The following BABAM2 variants were observed in gnomAD, a reference collection of about 807,000 sequenced individuals.
BABAM2 encodes BRISC and BRCA1-A complex member 2.
Under a neutral mutation model 54.7 loss-of-function variants are expected in BABAM2, and 31 were observed. That is an observed-to-expected ratio of 0.57 (90% CI 0.43 to 0.77). The LOEUF is 0.77. BABAM2 is among the 30% of genes least tolerant of loss of function. The pLI, the probability that BABAM2 is intolerant of heterozygous loss-of-function variation, is 0.00. For synonymous variants in BABAM2, 167 were observed against 162.9 expected (o/e 1.03, Z -0.19); for missense variants, 364 against 455.8 (o/e 0.80, Z 1.83).
chr2:28,110,937 T>C (rs1349042549), intron 6 of BABAM2, among the ~76,000 whole-genome samples: 1 of 151,796 alleles, frequency 6.6e-6, no homozygotes, highest in African/African-American at 2.4e-5. Flanking sequence ...TTGATTTATG[T>C]TGAACATCTT....
intron 7 of BABAM2, among the ~76,000 whole-genome samples, chr2:28,211,158 G>C (rs1322077431): frequency 6.6e-6 from 1 of 152,078 alleles, no homozygotes; most frequent in African/African-American, 2.4e-5. Flanking sequence ...ATTTCGCATT[G>C]GTTCCCAAAA....
chr2:28,327,161 A>G, intron 11 of BABAM2: 1 of 1,122,884 alleles, frequency 8.9e-7, no homozygotes. Flanking sequence ...CAGAGAAAGA[A>G]GCTGGTCCCA....
intron 11 of BABAM2, among the ~76,000 whole-genome samples, chr2:28,315,016 G>A (rs1364702265): frequency 3.1e-5 from 1 of 32,488 alleles, no homozygotes; most frequent in East Asian, 6.1e-3. Context: ...AGAAAGGAAA[G>A]AGAGAAGGAG....
chr2:28,107,454 C>T (rs1667625110), intron 6 of BABAM2, among the ~76,000 whole-genome samples: 1 of 152,176 alleles, frequency 6.6e-6, no homozygotes, highest in Admixed American at 6.5e-5. Context: ...GTCTTTCACC[C>T]TTCTCACCAG....
rs145786381 is a variant in BABAM2 at position 28,204,225 on chromosome 2, G to A, written c.681-32977G>A. 2.8e-4 allele frequency among the ~76,000 whole-genome samples: 43 copies of A among 152,080 alleles called. No individual in the cohort carries two copies. The South Asian group carries it at 3.3e-3, about 12-fold the overall frequency. ...TCTGTTCATTTTGTCTGTAATGTCC[G>A]TCTTTGAACAGAAATCCTTATTATT... On this transcript the variant is annotated intron_variant, in intron 7 of 11. Coordinates refer to ENST00000379624, the MANE Select transcript of BABAM2 (RefSeq NM_199191.3).
chr2:28,311,409 G>A (rs1444702181), intron 11 of BABAM2, among the ~76,000 whole-genome samples: 1 of 152,156 alleles, frequency 6.6e-6, no homozygotes, highest in Non-Finnish European at 1.5e-5. Flanking sequence ...TGGAAAAATA[G>A]ACAGGTGTCC....
rs1490354425 is a variant in BABAM2 at position 28,112,147 on chromosome 2, TTACCTCCCTCCCTCCCTCCCTCCC to T, written c.571-17122_571-17099del. On this transcript the variant is annotated intron_variant, in intron 6 of 11. Transcript: ENST00000379624. ...TTTCTTTCTTTCTTTCTTTCTTTCT[TTACCTCCCTCCCTCCCTCCCTCCC>T]TCCCTCCCTCCCTCCCTCCCTCCCT... Among the ~76,000 whole-genome samples the T allele has an allele frequency of 6.9e-3, 36 of 5,234 alleles. 2 individuals carry two copies. Among genetic ancestry groups the T allele is most frequent in the African/African-American group, 0.024 (25 of 1,022 alleles). The allele number at this position is 5,234 out of a possible 152,430, so 3.4% of individuals were successfully genotyped here. A position where few individuals can be genotyped will look rare whatever the true frequency, so the allele number is the denominator to read the frequency against.
At chr2:28,162,236 G>T (rs942001167) in intron 7 of BABAM2, among the ~76,000 whole-genome samples, 1 of 152,102 alleles carries the variant, frequency 6.6e-6, no homozygotes, top group Non-Finnish European at 1.5e-5. Flanking sequence ...GCCCTGCAGC[G>T]CATACCTCAC....
intron 7 of BABAM2, among the ~76,000 whole-genome samples, chr2:28,136,215 C>T (rs1670522990): frequency 6.6e-6 from 1 of 152,250 alleles, no homozygotes; most frequent in Admixed American, 6.5e-5. Flanking sequence ...CCGTTAAAGT[C>T]CTGCCCATGT....
chr2:28,210,911 T>G (rs936751774), intron 7 of BABAM2, among the ~76,000 whole-genome samples: 1 of 152,242 alleles, frequency 6.6e-6, no homozygotes. Flanking sequence ...AACAGAAATT[T>G]TGGAACAGAA....
intron 6 of BABAM2, among the ~76,000 whole-genome samples, chr2:28,082,775 C>T (rs1057150359): frequency 2.0e-5 from 3 of 152,078 alleles, no homozygotes; most frequent in Non-Finnish European, 2.9e-5. Context: ...GTTGTAATTC[C>T]CTCACTTGTA....
chr2:28,111,671 A>G (rs946088724), intron 6 of BABAM2, among the ~76,000 whole-genome samples: 21 of 151,876 alleles, frequency 1.4e-4, no homozygotes, highest in Non-Finnish European at 3.1e-4. Context: ...TCTTTTTTTC[A>G]TCTTTGGACC....
intron 3 of BABAM2, among the ~76,000 whole-genome samples, chr2:27,948,061 T>C (rs1669428407): frequency 6.6e-6 from 1 of 152,076 alleles, no homozygotes; most frequent in African/African-American, 2.4e-5. Flanking sequence ...TCCAAAATGG[T>C]TTGGAAATGT....
intron 6 of BABAM2, among the ~76,000 whole-genome samples, chr2:28,061,227 C>T (rs1170745421): frequency 2.0e-5 from 3 of 151,896 alleles, no homozygotes; most frequent in Non-Finnish European, 4.4e-5. Flanking sequence ...AAAGGCAATT[C>T]AGAGAAGAAC....
Position 28,256,508 on chromosome 2 carries a change from C to G in BABAM2, c.934+11646C>G, listed in dbSNP as rs181365384. Among the ~76,000 whole-genome samples, 7 of 152,256 alleles carry G rather than the reference C, an allele frequency of 4.6e-5. No homozygotes were observed. The East Asian group carries it at 1.3e-3, about 29-fold the overall frequency. ...GATGCCCTGAATCCAAGGACGCTTT[C>G]AGGGGCAATGAGGAGAGATGCATGG... On this transcript the variant is annotated intron_variant, in intron 10 of 11. Transcript: ENST00000379624.
intron 10 of BABAM2, among the ~76,000 whole-genome samples, chr2:28,265,538 T>C (rs1465778174): frequency 6.6e-6 from 1 of 152,186 alleles, no homozygotes; most frequent in Non-Finnish European, 1.5e-5. Context: ...CCCCTCTCCA[T>C]GACTCCTGGG....
intron 3 of BABAM2, among the ~76,000 whole-genome samples, chr2:27,960,097 T>C (rs1043919653): frequency 6.6e-6 from 1 of 152,214 alleles, no homozygotes; most frequent in African/African-American, 2.4e-5. Flanking sequence ...TTAGACTTAT[T>C]GTTTAGATCT....
chr2:28,181,730 A>T (rs1039641378), intron 7 of BABAM2, among the ~76,000 whole-genome samples: 2 of 152,104 alleles, frequency 1.3e-5, no homozygotes, highest in African/African-American at 4.8e-5. Flanking sequence ...TGCCATTGAA[A>T]GTAATGGTAA....
chr2:28,184,954 C>A (rs1676124956), intron 7 of BABAM2, among the ~76,000 whole-genome samples: 1 of 151,918 alleles, frequency 6.6e-6, no homozygotes, highest in Non-Finnish European at 1.5e-5. Context: ...TAATTTTTTT[C>A]TTGGTTCATA....
Sources: gnomAD v4.1 joint callset for allele counts (sites outside exome capture counted in the v4.1 genomes callset) on GRCh38, gnomAD v4.1.1 for gene constraint, MANE v1.5 for transcripts, NCBI Gene and HGNC (gene_info 2026-07-23, HGNC 2026-07-21) for gene names.